STAU2: variants seen among roughly 807,000 people sequenced by gnomAD.
STAU2 encodes staufen double-stranded RNA binding protein 2.
In STAU2, 20 loss-of-function variants were observed where a neutral mutation model predicts 65.9. That is an observed-to-expected ratio of 0.30 (90% CI 0.21 to 0.44). The LOEUF is 0.44. STAU2 is among the 20% of genes least tolerant of loss of function. The pLI is 1.00. For missense variants in STAU2, 558 were observed against 683.9 expected (o/e 0.82, Z 2.05); for synonymous variants, 232 against 233.9 (o/e 0.99, Z 0.07).
At chr8:73,522,152 A>T (rs1823077878) in intron 13 of STAU2, among the ~76,000 whole-genome samples, 1 of 152,242 alleles carries the variant, frequency 6.6e-6, no homozygotes, top group Non-Finnish European at 1.5e-5. Context: ...CAATGCAATC[A>T]GAATGAAGAT....
chr8:73,481,006 T>C (rs1373932618), intron 13 of STAU2, among the ~76,000 whole-genome samples: 1 of 152,112 alleles, frequency 6.6e-6, no homozygotes, highest in Non-Finnish European at 1.5e-5. Context: ...GTATAACACA[T>C]ATAAAAGAAT....
At chr8:73,605,695 G>A (rs1249801037) in intron 9 of STAU2, among the ~76,000 whole-genome samples, 2 of 148,460 alleles carry the variant, frequency 1.3e-5, no homozygotes, top group Admixed American at 6.7e-5. Flanking sequence ...AATTTTGGGG[G>A]AAAAAAAAAG....
chr8:73,546,123 C>CTTTGTTTTTTT (rs1806906781), intron 13 of STAU2, among the ~76,000 whole-genome samples: 1 of 93,290 alleles, frequency 1.1e-5, no homozygotes, highest in Non-Finnish European at 1.9e-5. Context: ...GTTTGGTTTT[C>CTTTGTTTTTTT]TTTTTTTTTT....
At chr8:73,607,567 TA>T (rs371950579) in intron 9 of STAU2, among the ~76,000 whole-genome samples, 1 of 150,024 alleles carries the variant, frequency 6.7e-6, no homozygotes, top group South Asian at 2.1e-4. Context: ...CCATCTCTAC[TA>T]AAAAAAAACA....
chr8:73,422,594 C>A lies in STAU2; in HGVS notation c.1619+20G>T. On this transcript the variant is annotated intron_variant, in intron 14 of 14. Coordinates refer to ENST00000524300, the MANE Select transcript of STAU2 (RefSeq NM_001164380.2). ...AGTTACAATTAAAAGTGTAAGAATACTGACAGGGGATTTACTCACTTTTCA... is the reference window on the plus strand; with the variant it reads ...AGTTACAATTAAAAGTGTAAGAATAATGACAGGGGATTTACTCACTTTTCA... The A allele has an allele frequency of 1.3e-6, 2 of 1,488,232 alleles. No homozygotes were observed. The highest frequency in any genetic ancestry group is 1.8e-6 in the Non-Finnish European group (2 of 1,124,194). The allele number at this position is 1,488,232 out of a possible 1,614,324, so 92.2% of individuals were successfully genotyped here.
chr8:73,727,916 T>C (rs1444323377), intron 3 of STAU2: 1 of 152,208 alleles, frequency 6.6e-6, no homozygotes, highest in Non-Finnish European at 1.5e-5. Flanking sequence ...TCCTAGTAGG[T>C]GAGAAGTGGT....
chr8:73,461,833 A>C (rs1173245857), intron 13 of STAU2, among the ~76,000 whole-genome samples: 1 of 152,132 alleles, frequency 6.6e-6, no homozygotes, highest in Admixed American at 6.5e-5. Flanking sequence ...AGAACTCTGC[A>C]CTTGGGACTC....
intron 13 of STAU2, among the ~76,000 whole-genome samples, chr8:73,530,098 G>T (rs762340704): frequency 6.6e-6 from 1 of 152,162 alleles, no homozygotes; most frequent in Non-Finnish European, 1.5e-5. Flanking sequence ...AAACCTAGAT[G>T]AGAGTAGTGA....
At chr8:73,442,226 T>C (rs1585764292) in intron 13 of STAU2, among the ~76,000 whole-genome samples, 1 of 151,686 alleles carries the variant, frequency 6.6e-6, no homozygotes, top group South Asian at 2.1e-4. Context: ...TGGTGGCGGG[T>C]GCCTGTAGTC....
rs146844742 is a variant in STAU2 at position 73,530,073 on chromosome 8, C to T, written c.1530+21939G>A. On this transcript the variant is annotated intron_variant, in intron 13 of 14. Coordinates refer to ENST00000524300, the MANE Select transcript of STAU2 (RefSeq NM_001164380.2). ...AGTATAGATATTATCATCTTGACTG[C>T]GAGGACAAAGGCCAAAACCTAGATG... Among the ~76,000 whole-genome samples, 414 of 152,056 alleles carry T rather than the reference C, an allele frequency of 2.7e-3. 4 individuals carry two copies. Among genetic ancestry groups the T allele is most frequent in the African/African-American group, 9.2e-3 (383 of 41,456 alleles).
At chr8:73,426,788 C>A (rs1816854832) in intron 13 of STAU2, among the ~76,000 whole-genome samples, 1 of 152,148 alleles carries the variant, frequency 6.6e-6, no homozygotes, top group African/African-American at 2.4e-5. Context: ...TGCACAGTAT[C>A]CTATCGATAT....
intron 12 of STAU2, among the ~76,000 whole-genome samples, chr8:73,582,266 C>T (rs984098940): frequency 6.6e-6 from 1 of 151,818 alleles, no homozygotes; most frequent in Non-Finnish European, 1.5e-5. Context: ...ATTCTAATGA[C>T]TCAGCAAAAC....
At chr8:73,687,344 T>TTATATTTATAAATATAAATTATATA (rs1563506820) in intron 5 of STAU2, among the ~76,000 whole-genome samples, 1 of 85,252 alleles carries the variant, frequency 1.2e-5, no homozygotes, top group Non-Finnish European at 2.2e-5. Context: ...TAATTTATAT[T>TTATATTTATAAATATAAATTATATA]TATAATTTAT....
At chr8:73,512,590 C>T (rs59260693) in intron 13 of STAU2, among the ~76,000 whole-genome samples, 15,959 of 151,816 alleles carry the variant, frequency 0.11, 1,435 homozygotes, top group African/African-American at 0.23. Flanking sequence ...GTATATTCAT[C>T]TATAAATTAT....
chr8:73,651,342 A>C (rs1586194799), intron 6 of STAU2: 1 of 683,334 alleles, frequency 1.5e-6, no homozygotes, highest in East Asian at 2.8e-5. Flanking sequence ...GGCATCTTCC[A>C]GCACCACCAG....
intron 13 of STAU2, among the ~76,000 whole-genome samples, chr8:73,544,666 A>G (rs1336969989): frequency 2.0e-5 from 3 of 152,242 alleles, no homozygotes; most frequent in African/African-American, 7.2e-5. Context: ...TCCTTCAGCC[A>G]GAAATGTTCA....
At chr8:73,654,663 A>AAAAAAAAAAAC (rs1280392351) in intron 6 of STAU2, among the ~76,000 whole-genome samples, 1 of 135,562 alleles carries the variant, frequency 7.4e-6, no homozygotes, top group African/African-American at 2.6e-5. Flanking sequence ...AAAAAAAAAG[A>AAAAAAAAAAAC]ACTCTTTTAA....
chr8:73,464,481 T>C (rs1344736513), intron 13 of STAU2, among the ~76,000 whole-genome samples: 1 of 152,204 alleles, frequency 6.6e-6, no homozygotes, highest in East Asian at 1.9e-4. Flanking sequence ...TAACACCAGG[T>C]GCTCTGTCCA....
chr8:73,474,563 G>A (rs558406976), intron 13 of STAU2, among the ~76,000 whole-genome samples: 1 of 151,192 alleles, frequency 6.6e-6, no homozygotes, highest in South Asian at 2.1e-4. Context: ...GCATTGTTAT[G>A]GTTGGGTGTC....
Sources: allele counts gnomAD v4.1 joint callset (sites outside exome capture counted in the v4.1 genomes callset), GRCh38; gene constraint gnomAD v4.1.1; transcripts MANE v1.5; gene names NCBI Gene and HGNC (gene_info 2026-07-23, HGNC 2026-07-21).